Variants in CTNNA3 observed in about 807,000 individuals in gnomAD.
The protein encoded by CTNNA3 is catenin alpha-3.
A neutral mutation model predicts 95.7 loss-of-function variants in CTNNA3; 76 were observed. The observed-to-expected ratio is 0.79, with a 90% CI of 0.66 to 0.96. The LOEUF is 0.96. Ranked by LOEUF, CTNNA3 falls within the 40% of genes least tolerant of loss-of-function variation. CTNNA3 has a pLI of 0.00. For synonymous variants in CTNNA3, 431 were observed against 374.4 expected (o/e 1.15, Z -1.74); for missense variants, 1,191 against 1,089.8 (o/e 1.09, Z -1.31).
chr10:66,066,429 GAGAAAC>G (rs1237586211), intron 15 of CTNNA3, among the ~76,000 whole-genome samples: 2 of 152,096 alleles, frequency 1.3e-5, no homozygotes, highest in African/African-American at 4.8e-5. Context: ...GAGAAAGAGA[GAGAAAC>G]AGAGACAGAG....
chr10:66,127,398 T>G (rs1352008308), intron 13 of CTNNA3, among the ~76,000 whole-genome samples: 1 of 151,044 alleles, frequency 6.6e-6, no homozygotes, highest in Non-Finnish European at 1.5e-5. Context: ...ATGATAAAAA[T>G]GGTACTTTTT....
intron 5 of CTNNA3, among the ~76,000 whole-genome samples, chr10:67,512,140 T>A (rs1234010510): frequency 6.6e-6 from 1 of 152,146 alleles, no homozygotes; most frequent in Admixed American, 6.5e-5. Context: ...ACATCACTAA[T>A]CATCAGAGTA....
chr10:66,408,157 T>C (rs181270474), intron 11 of CTNNA3, among the ~76,000 whole-genome samples: 3 of 152,346 alleles, frequency 2.0e-5, no homozygotes, highest in Admixed American at 6.5e-5. Context: ...TAGTACTCAA[T>C]GTACAGTCAA....
chr10:66,960,103 A>C (rs973009887), intron 7 of CTNNA3, among the ~76,000 whole-genome samples: 1 of 152,000 alleles, frequency 6.6e-6, no homozygotes, highest in Non-Finnish European at 1.5e-5. Context: ...AGACTCCCTA[A>C]AAATATTTCT....
intron 1 of CTNNA3, among the ~76,000 whole-genome samples, chr10:67,681,327 C>A (rs1279205171): frequency 6.6e-6 from 1 of 151,910 alleles, no homozygotes; most frequent in Non-Finnish European, 1.5e-5. Flanking sequence ...AAAATAGGAA[C>A]AAATATTAAT....
At chr10:66,779,408 G>C (rs1286438061) in intron 7 of CTNNA3, among the ~76,000 whole-genome samples, 1 of 151,900 alleles carries the variant, frequency 6.6e-6, no homozygotes, top group Non-Finnish European at 1.5e-5. Flanking sequence ...CCAGGCTAGA[G>C]TGCAGTAGTG....
At chr10:67,384,993 A>C (rs1844095370) in intron 5 of CTNNA3, among the ~76,000 whole-genome samples, 1 of 152,142 alleles carries the variant, frequency 6.6e-6, no homozygotes, top group African/African-American at 2.4e-5. Flanking sequence ...TATTTTGATA[A>C]GAAAAAGTGG....
chr10:66,781,010 T>A (rs1359681627), intron 7 of CTNNA3, among the ~76,000 whole-genome samples: 3 of 152,158 alleles, frequency 2.0e-5, no homozygotes, highest in Non-Finnish European at 4.4e-5. Flanking sequence ...TCAAAACATG[T>A]GTGTGTAATA....
intron 9 of CTNNA3, among the ~76,000 whole-genome samples, chr10:66,643,736 G>T (rs75457337): frequency 0.045 from 6,860 of 152,164 alleles, 264 homozygotes; most frequent in Non-Finnish European, 0.064. Context: ...ACAAGTATTT[G>T]TATCTGTCCT....
At chr10:65,955,648 T>A (rs1022086644) in intron 17 of CTNNA3, among the ~76,000 whole-genome samples, 3 of 152,202 alleles carry the variant, frequency 2.0e-5, no homozygotes, top group Non-Finnish European at 4.4e-5. Context: ...GAGACAATCA[T>A]GTAGTTTTTG....
intron 7 of CTNNA3, among the ~76,000 whole-genome samples, chr10:67,069,553 G>GCCTGC (rs1856308488): frequency 2.2e-5 from 3 of 133,654 alleles, no homozygotes; most frequent in African/African-American, 9.1e-5. Context: ...GTGTACAGCA[G>GCCTGC]CCCGCCCCAC....
At chr10:67,486,588 G>C (rs7069944) in intron 5 of CTNNA3, among the ~76,000 whole-genome samples, 26,012 of 151,916 alleles carry the variant, frequency 0.17, 3,490 homozygotes, top group East Asian at 0.35. Flanking sequence ...CATAGAATGA[G>C]AAAAACAGTA....
intron 12 of CTNNA3, among the ~76,000 whole-genome samples, chr10:66,292,528 TGTTCCTATTCACTAAA>T (rs1314781252): frequency 6.6e-6 from 1 of 152,194 alleles, no homozygotes; most frequent in African/African-American, 2.4e-5. Flanking sequence ...AAACCTTTTC[TGTTCCTATTCACTAAA>T]GTTCTGCCAC....
intron 6 of CTNNA3, among the ~76,000 whole-genome samples, chr10:67,200,808 C>T (rs1863610291): frequency 6.6e-6 from 1 of 152,130 alleles, no homozygotes; most frequent in African/African-American, 2.4e-5. Flanking sequence ...ACACATTATA[C>T]CTTGTTACAA....
At chr10:67,388,165 A>C (rs1844277645) in intron 5 of CTNNA3, among the ~76,000 whole-genome samples, 1 of 117,998 alleles carries the variant, frequency 8.5e-6, no homozygotes, top group Non-Finnish European at 1.7e-5. Flanking sequence ...ACTTTGAAAA[A>C]AATTTAGAAG....
intron 7 of CTNNA3, among the ~76,000 whole-genome samples, chr10:67,158,254 A>T (rs1861393157): frequency 6.6e-6 from 1 of 152,148 alleles, no homozygotes; most frequent in South Asian, 2.1e-4. Flanking sequence ...TGGAAAGATG[A>T]TAAATGACCT....
chr10:67,187,432 C>T (rs1421902204), intron 6 of CTNNA3, among the ~76,000 whole-genome samples: 1 of 152,092 alleles, frequency 6.6e-6, no homozygotes, highest in Non-Finnish European at 1.5e-5. Flanking sequence ...ACCTGGCAAA[C>T]TTCTTCATTC....
chr10:67,447,254 C>A (rs1846788290), intron 5 of CTNNA3, among the ~76,000 whole-genome samples: 2 of 152,266 alleles, frequency 1.3e-5, no homozygotes, highest in Non-Finnish European at 2.9e-5. Context: ...TGCTTGAGGA[C>A]TAGTTATTGT....
intron 9 of CTNNA3, among the ~76,000 whole-genome samples, chr10:66,703,760 TA>T (rs950144383): frequency 6.6e-6 from 1 of 152,176 alleles, no homozygotes; most frequent in African/African-American, 2.4e-5. Flanking sequence ...TTAATTTTTG[TA>T]GGGGCTACCT....
Sources: allele counts gnomAD v4.1 joint callset (sites outside exome capture counted in the v4.1 genomes callset), GRCh38; gene constraint gnomAD v4.1.1; transcripts MANE v1.5; gene names NCBI Gene and HGNC (gene_info 2026-07-23, HGNC 2026-07-21).